Variants in RNF130 observed in about 807,000 individuals in gnomAD.
RNF130 encodes the protein E3 ubiquitin-protein ligase RNF130.
A neutral mutation model predicts 44.6 loss-of-function variants in RNF130; 21 were observed. That is an observed-to-expected ratio of 0.47 (90% confidence interval 0.33 to 0.68). The LOEUF is 0.68. RNF130 is among the 30% of genes least tolerant of loss of function. The pLI, the probability that RNF130 is intolerant of heterozygous loss-of-function variation, is 0.02. For synonymous variants in RNF130, 214 were observed against 210.4 expected (o/e 1.02, Z -0.15); for missense variants, 479 against 560.6 (o/e 0.85, Z 1.47).
At position 179,974,813 on chromosome 5, in the gene RNF130, G is replaced by A. The variant is rs569508362; in HGVS notation, c.848+3390C>T. Among the ~76,000 whole-genome samples the A allele has an allele frequency of 1.1e-4, 17 of 152,360 alleles. No homozygotes were observed. In the South Asian group the frequency reaches 1.2e-3, roughly 11 times the overall value. On this transcript the variant is annotated intron_variant, in intron 5 of 8. Coordinates refer to ENST00000521389, the MANE Select transcript of RNF130 (RefSeq NM_018434.6). Reference sequence around the variant, plus strand: ...CAGCCAGCCAAGAGAACGAGGCCCCGAGGAAGGGAGAGAGCAGGCACGCAG... The same window carrying A: ...CAGCCAGCCAAGAGAACGAGGCCCCAAGGAAGGGAGAGAGCAGGCACGCAG...
chr5:179,925,958 T>C (rs978203348), intron 7 of RNF130, among the ~76,000 whole-genome samples: 3 of 152,128 alleles, frequency 2.0e-5, no homozygotes, highest in Non-Finnish European at 1.5e-5. Flanking sequence ...GGGGGATGCA[T>C]GTGGCACGGA....
At chr5:179,943,974 A>ATTT (rs1428173573) in intron 7 of RNF130, among the ~76,000 whole-genome samples, 1 of 146,002 alleles carries the variant, frequency 6.8e-6, no homozygotes, top group Non-Finnish European at 1.5e-5. Context: ...TTTCTGAGAA[A>ATTT]TTTTTTTTTT....
chr5:179,996,152 C>G (rs1763192647), intron 3 of RNF130, among the ~76,000 whole-genome samples: 1 of 152,144 alleles, frequency 6.6e-6, no homozygotes, highest in Non-Finnish European at 1.5e-5. Flanking sequence ...TTTTAGTTTT[C>G]CTTGCAGACG....
chr5:180,034,740 A>G (rs971527167), intron 2 of RNF130, among the ~76,000 whole-genome samples: 3 of 152,218 alleles, frequency 2.0e-5, no homozygotes, highest in African/African-American at 7.2e-5. Context: ...CCATTACCTA[A>G]TAAGAGTGAC....
At chr5:180,013,942 G>C (rs961633390) in intron 2 of RNF130, among the ~76,000 whole-genome samples, 1 of 152,212 alleles carries the variant, frequency 6.6e-6, no homozygotes, top group African/African-American at 2.4e-5. Flanking sequence ...TTTTATTAGT[G>C]ACATCTGAAA....
chr5:179,963,710 C>A, intron 7 of RNF130, 146 bp from the exon 8 acceptor site: 1 of 650,692 alleles, frequency 1.5e-6, no homozygotes, highest in Non-Finnish European at 2.8e-6. Flanking sequence ...GGAGGTTTGC[C>A]AGAGAGCTAC....
At chr5:180,059,587 A>T (rs960804418) in intron 1 of RNF130, among the ~76,000 whole-genome samples, 1 of 152,194 alleles carries the variant, frequency 6.6e-6, no homozygotes, top group African/African-American at 2.4e-5. Context: ...ATAACATGCA[A>T]ATGAGAAGGT....
chr5:180,045,046 CA>C (rs1764525237), intron 1 of RNF130, among the ~76,000 whole-genome samples: 1 of 152,114 alleles, frequency 6.6e-6, no homozygotes, highest in South Asian at 2.1e-4. Context: ...AAGTTGCCAG[CA>C]TAAAAACACA....
chr5:179,959,063 T>C (rs1762269748), intron 8 of RNF130, among the ~76,000 whole-genome samples: 1 of 152,194 alleles, frequency 6.6e-6, no homozygotes. Flanking sequence ...TAAGCATCAC[T>C]CTGTATGCAC....
chr5:179,991,093 C>T (rs1763072066), intron 3 of RNF130, among the ~76,000 whole-genome samples: 1 of 152,088 alleles, frequency 6.6e-6, no homozygotes, highest in Non-Finnish European at 1.5e-5. Context: ...AATTTTTCTC[C>T]TTTTAGCACT....
chr5:180,037,621 C>T (rs2113134383), intron 2 of RNF130, among the ~76,000 whole-genome samples: 1 of 152,276 alleles, frequency 6.6e-6, no homozygotes, highest in Non-Finnish European at 1.5e-5. Context: ...GGGTCATATT[C>T]CAGACTTACT....
intron 3 of RNF130, among the ~76,000 whole-genome samples, chr5:180,011,867 G>T (rs1370104558): frequency 6.6e-6 from 1 of 152,048 alleles, no homozygotes; most frequent in Non-Finnish European, 1.5e-5. Context: ...GGGAATACTT[G>T]CCACTTATCT....
At chr5:180,055,136 A>G (rs937018867) in intron 1 of RNF130, among the ~76,000 whole-genome samples, 1 of 151,664 alleles carries the variant, frequency 6.6e-6, no homozygotes, top group East Asian at 1.9e-4. Context: ...TGAGGCCAGG[A>G]ATTTGAGGCC....
rs1171329753 is a variant in RNF130 at position 179,966,847 on chromosome 5, T to G, written c.1109A>C (p.Glu370Ala). ...GATTTCTCCTGTTCTCGGAGTGAGC[T>G]CCCCATCCTGAGGAAGAGGTGAGAT... ...SGISPLPQDG[E>A]LTPRTGEINI... The change falls in exon 7 of 9, where the codon GAG becomes GCG. Residue 370 changes from glutamate (E) to alanine (A), a missense_variant. Physicochemically the swap from Glu to Ala is moderately radical, Grantham distance 107. Transcript: ENST00000521389. The G allele has an allele frequency of 6.2e-7, 1 of 1,613,866 alleles. No individual in the cohort carries two copies. Among genetic ancestry groups the G allele is most frequent in the East Asian group, 2.2e-5 (1 of 44,880 alleles).
intron 3 of RNF130, among the ~76,000 whole-genome samples, chr5:179,990,944 C>T (rs1033251716): frequency 1.3e-5 from 2 of 152,064 alleles, no homozygotes; most frequent in Non-Finnish European, 2.9e-5. Context: ...TAGTATAATT[C>T]TTGTTATTTT....
At chr5:180,065,416 T>C (rs1279011908) in intron 1 of RNF130, among the ~76,000 whole-genome samples, 1 of 152,156 alleles carries the variant, frequency 6.6e-6, no homozygotes, top group Non-Finnish European at 1.5e-5. Flanking sequence ...TGAGTGGATA[T>C]ATCATAATTT....
chr5:179,944,482 G>T (rs1479513890), intron 7 of RNF130, among the ~76,000 whole-genome samples: 1 of 151,644 alleles, frequency 6.6e-6, no homozygotes, highest in Non-Finnish European at 1.5e-5. Context: ...TTTATTTTTT[G>T]AGATGGAGTC....
intron 7 of RNF130, among the ~76,000 whole-genome samples, chr5:179,948,444 C>A (rs56821111): frequency 0.059 from 8,921 of 152,022 alleles, 908 homozygotes; most frequent in African/African-American, 0.2. Context: ...CTGAGGCGAG[C>A]GGATCACCTG....
intron 2 of RNF130, among the ~76,000 whole-genome samples, chr5:180,039,842 T>A (rs1361385150): frequency 6.6e-6 from 1 of 152,188 alleles, no homozygotes; most frequent in Admixed American, 6.5e-5. Flanking sequence ...CCTCTTTCAG[T>A]CCCCTTCCTA....
Sources: allele counts gnomAD v4.1 joint callset (sites outside exome capture counted in the v4.1 genomes callset), GRCh38; gene constraint gnomAD v4.1.1; transcripts MANE v1.5; gene names NCBI Gene and HGNC (gene_info 2026-07-23, HGNC 2026-07-21).